Variants in GPATCH2 observed in about 807,000 individuals in gnomAD.
GPATCH2 encodes the protein G-patch domain containing 2, also known as G patch domain-containing protein 2.
Under a neutral mutation model 58.0 loss-of-function variants are expected in GPATCH2, and 51 were observed. The observed-to-expected ratio is 0.88, with a 90% CI of 0.70 to 1.11. The LOEUF (loss-of-function observed/expected upper bound fraction) is 1.11, where lower values mean the gene tolerates loss of function less well. GPATCH2 is among the 50% of genes most tolerant of loss of function. The probability of loss-of-function intolerance (pLI) is 0.00; values close to 1 mark genes in which losing one functional copy is unlikely to be tolerated. For synonymous variants in GPATCH2, 222 were observed against 218.5 expected (o/e 1.02, Z -0.14); for missense variants, 625 against 652.2 (o/e 0.96, Z 0.45).
intron 5 of GPATCH2, among the ~76,000 whole-genome samples, chr1:217,578,137 G>A (rs889561352): frequency 6.7e-6 from 1 of 149,252 alleles, no homozygotes; most frequent in Non-Finnish European, 1.5e-5. Flanking sequence ...TTTAATGGCT[G>A]GGGGGGGATT....
intron 7 of GPATCH2, among the ~76,000 whole-genome samples, chr1:217,496,809 T>A (rs1662031922): frequency 2.0e-5 from 3 of 152,150 alleles, no homozygotes; most frequent in Non-Finnish European, 4.4e-5. Flanking sequence ...ATTCATTGAT[T>A]CAGTGTTTGA....
chr1:217,464,499 G>C (rs1243257651), intron 8 of GPATCH2, among the ~76,000 whole-genome samples: 1 of 152,292 alleles, frequency 6.6e-6, no homozygotes. Flanking sequence ...ATGAGTGCAA[G>C]AGGACCAAGA....
intron 5 of GPATCH2, among the ~76,000 whole-genome samples, chr1:217,584,344 A>AAAAAAAAATATATATATAT (rs1463910405): frequency 9.8e-6 from 1 of 101,876 alleles, no homozygotes; most frequent in Non-Finnish European, 1.9e-5. Context: ...AAAAAAAAAA[A>AAAAAAAAATATATATATAT]ATATATATAT....
At chr1:217,523,728 C>T (rs1334207104) in intron 5 of GPATCH2, among the ~76,000 whole-genome samples, 2 of 149,868 alleles carry the variant, frequency 1.3e-5, no homozygotes, top group African/African-American at 5.0e-5. Context: ...CAGAGGGGCT[C>T]CTCACTTCCC....
intron 9 of GPATCH2, among the ~76,000 whole-genome samples, chr1:217,433,386 T>A (rs201348453): frequency 0.047 from 1,325 of 28,076 alleles, 9 homozygotes; most frequent in Middle Eastern, 0.071. Flanking sequence ...ATATATATAT[T>A]TATTTATTTA....
At chr1:217,570,003 A>C (rs1213675888) in intron 5 of GPATCH2, among the ~76,000 whole-genome samples, 1 of 152,196 alleles carries the variant, frequency 6.6e-6, no homozygotes, top group African/African-American at 2.4e-5. Context: ...CAGATTTTTG[A>C]GTAAATTATT....
rs955549383 is a variant in GPATCH2, at chr1:217,592,103, T to C, written c.1098+18218A>G. On this transcript the variant is annotated intron_variant, in intron 5 of 9. Coordinates refer to ENST00000366935, the MANE Select transcript of GPATCH2 (RefSeq NM_018040.5). The stretch of plus-strand genomic sequence containing the variant: ...AATTTCTGATCTTTGCCTTAGAAAA[T>C]GTATCTTTTCCTTGCCATGTACGTA... Among the ~76,000 whole-genome samples, 4 of 152,018 alleles carry C rather than the reference T, an allele frequency of 2.6e-5. No individual in the cohort carries two copies. In the East Asian group the frequency reaches 7.7e-4, roughly 29 times the overall value.
rs1271843906 is a variant in GPATCH2 at position 217,437,283 on chromosome 1, T to A, written c.1367-5918A>T. 2.0e-5 allele frequency among the ~76,000 whole-genome samples: 3 copies of A among 151,718 alleles called. No individual in the cohort carries two copies. The East Asian group carries it at 5.8e-4, about 29-fold the overall frequency. ...GTGCCTACGCCACCAGGGCCCTGGG[T>A]TTCAAGCACAAAACTGGGCGACTGT... On this transcript the variant is annotated intron_variant, in intron 9 of 9. Coordinates refer to ENST00000366935, the MANE Select transcript of GPATCH2 (RefSeq NM_018040.5).
intron 1 of GPATCH2, among the ~76,000 whole-genome samples, chr1:217,628,975 A>AGTT (rs1485015964): frequency 6.6e-6 from 1 of 152,094 alleles, no homozygotes; most frequent in Non-Finnish European, 1.5e-5. Context: ...TACTTAGGCC[A>AGTT]GTTACTTAAA....
chr1:217,585,568 C>T lies in GPATCH2; in HGVS notation c.1098+24753G>A, dbSNP rs568961825. Among the ~76,000 whole-genome samples the T allele has an allele frequency of 2.0e-4, 30 of 152,070 alleles. No individual in the cohort carries two copies. The South Asian group carries it at 4.4e-3, about 22-fold the overall frequency. On this transcript the variant is annotated intron_variant, in intron 5 of 9. Coordinates refer to ENST00000366935, the MANE Select transcript of GPATCH2 (RefSeq NM_018040.5). ...CTGGGAGGCAGAGGTTGTAGTTAGC[C>T]GAGATCACGCCACTGCACTCCAGCC...
intron 7 of GPATCH2, among the ~76,000 whole-genome samples, chr1:217,496,971 T>TA (rs924751233): frequency 1.8e-4 from 28 of 151,668 alleles, no homozygotes; most frequent in African/African-American, 5.1e-4. Flanking sequence ...TTTAAAAAGA[T>TA]AAAAAAAAAT....
chr1:217,575,459 A>G (rs1666762944), intron 5 of GPATCH2, among the ~76,000 whole-genome samples: 1 of 152,184 alleles, frequency 6.6e-6, no homozygotes, highest in African/African-American at 2.4e-5. Context: ...TACTTAATAT[A>G]AAAGTTTGAA....
chr1:217,468,628 T>A (rs1660583055), intron 8 of GPATCH2, among the ~76,000 whole-genome samples: 1 of 151,244 alleles, frequency 6.6e-6, no homozygotes, highest in Non-Finnish European at 1.5e-5. Context: ...TCAAAGGGAA[T>A]CTGAGAGATT....
intron 8 of GPATCH2, among the ~76,000 whole-genome samples, chr1:217,452,866 C>T (rs541690951): frequency 5.9e-5 from 9 of 152,156 alleles, no homozygotes; most frequent in Non-Finnish European, 1.2e-4. Context: ...AGAAAAACAG[C>T]TAGCTGTATA....
chr1:217,489,407 T>C (rs1396553812), intron 8 of GPATCH2, among the ~76,000 whole-genome samples: 2 of 152,126 alleles, frequency 1.3e-5, no homozygotes, highest in Non-Finnish European at 2.9e-5. Flanking sequence ...AACTGACTAA[T>C]GAAGTAGACA....
intron 2 of GPATCH2, among the ~76,000 whole-genome samples, chr1:217,616,226 AGTT>A (rs1375087511): frequency 2.0e-5 from 3 of 152,276 alleles, no homozygotes; most frequent in African/African-American, 4.8e-5. Flanking sequence ...CAAAGAAAGT[AGTT>A]GATAAACTAT....
intron 7 of GPATCH2, among the ~76,000 whole-genome samples, chr1:217,496,647 C>G (rs377124619): frequency 2.6e-5 from 4 of 151,974 alleles, no homozygotes; most frequent in Non-Finnish European, 5.9e-5. Flanking sequence ...GCCCTGAGTT[C>G]GATGTTAATG....
At chr1:217,454,344 C>T (rs1385162052) in intron 8 of GPATCH2, among the ~76,000 whole-genome samples, 1 of 152,006 alleles carries the variant, frequency 6.6e-6, no homozygotes, top group Admixed American at 6.5e-5. Flanking sequence ...AATCCCAGCA[C>T]CTTGGGAGGC....
At chr1:217,627,012 C>T (rs1362305177) in intron 1 of GPATCH2, among the ~76,000 whole-genome samples, 1 of 151,446 alleles carries the variant, frequency 6.6e-6, no homozygotes, top group Non-Finnish European at 1.5e-5. Flanking sequence ...GAGAAAACTA[C>T]AGAGAACATG....
Sources: gnomAD v4.1 joint callset for allele counts (sites outside exome capture counted in the v4.1 genomes callset) on GRCh38, gnomAD v4.1.1 for gene constraint, MANE v1.5 for transcripts, NCBI Gene and HGNC (gene_info 2026-07-23, HGNC 2026-07-21) for gene names.